The following SCRN3 variants were observed in gnomAD, a reference collection of about 807,000 sequenced individuals.
SCRN3 encodes secernin-3.
SCRN3 carries 39 observed loss-of-function variants against 43.1 expected under a neutral mutation model. The ratio of observed to expected loss-of-function variants is 0.91; its 90% CI spans 0.70 to 1.18. SCRN3 has a LOEUF of 1.18. Ranked by LOEUF, SCRN3 falls within the 50% of genes most tolerant of loss-of-function variation. The pLI, the probability that SCRN3 is intolerant of heterozygous loss-of-function variation, is 0.00. For missense variants in SCRN3, 484 were observed against 498.0 expected, an observed-to-expected ratio of 0.97 and a Z score of 0.27; for synonymous variants, 147 against 163.1, an observed-to-expected ratio of 0.90 and a Z score of 0.75.
rs1293014838 is a variant in SCRN3, at chr2:174,396,056, T to G, written c.-10+239T>G. ...TCGAGCTGCAAAAGCTTTTCTGCACTGTTTTTCTCATCTATGTTATGAAGA... is the reference window on the plus strand; with the variant it reads ...TCGAGCTGCAAAAGCTTTTCTGCACGGTTTTTCTCATCTATGTTATGAAGA... On this transcript the variant is annotated intron_variant, in intron 1 of 7. Coordinates refer to ENST00000272732, the MANE Select transcript of SCRN3 (RefSeq NM_024583.5). 6 of 1,254,304 alleles carry G rather than the reference T, an allele frequency of 4.8e-6. No individual in the cohort carries two copies. In the East Asian group the frequency reaches 1.8e-4, roughly 37 times the overall value. 77.7% of individuals were successfully genotyped at this position (1,254,304 alleles called of 1,614,324 possible).
In SCRN3 at chr2:174,404,241, A is replaced by G. The variant is rs773576066; in HGVS notation, c.680A>G (p.Tyr227Cys). 5.0e-5 allele frequency: 81 copies of G among 1,613,774 alleles called. No homozygotes were observed. The South Asian group carries it at 8.2e-4, about 16-fold the overall frequency. The change falls in exon 5 of 8, where the codon TAT becomes TGT. Residue 227 changes from tyrosine to cysteine, a missense_variant. Tyr to Cys is a radical substitution (Grantham distance 194). Coordinates refer to ENST00000272732, the MANE Select transcript of SCRN3 (RefSeq NM_024583.5). Reference protein sequence around the residue: ...KEFDFAAAYSYLDTAKMMTSS... With the variant: ...KEFDFAAAYSCLDTAKMMTSS... Reference sequence around the variant, plus strand: ...TTTGATTTTGCTGCAGCATATTCCTATCTTGACACAGCCAAGATGATGACT... The same window carrying G: ...TTTGATTTTGCTGCAGCATATTCCTGTCTTGACACAGCCAAGATGATGACT...
At chr2:174,415,254 AT>A (rs35101924) in intron 5 of SCRN3, among the ~76,000 whole-genome samples, 29,658 of 151,948 alleles carry the variant, frequency 0.2, 3,394 homozygotes, top group Middle Eastern at 0.37. Context: ...TCAATAGAGG[AT>A]TTTTTTTCAA....
intron 5 of SCRN3, among the ~76,000 whole-genome samples, chr2:174,412,024 A>G (rs377126151): frequency 6.6e-6 from 1 of 152,022 alleles, no homozygotes; most frequent in Non-Finnish European, 1.5e-5. Context: ...AGTAAACTCT[A>G]CTCTGTCTCT....
At chr2:174,396,081 A>T (rs2105548822) in intron 1 of SCRN3, 2 of 1,163,968 alleles carry the variant, frequency 1.7e-6, no homozygotes, top group East Asian at 3.2e-5. Flanking sequence ...TGTTATGAAG[A>T]TAATAATTCC....
In SCRN3 at chr2:174,399,917, T is replaced by A; in HGVS notation, c.160-5T>A. 1.6e-6 allele frequency: 2 copies of A among 1,279,266 alleles called. No homozygotes were observed. Among genetic ancestry groups the A allele is most frequent in the Non-Finnish European group, 2.0e-6 (2 of 980,820 alleles). 79.2% of individuals were successfully genotyped at this position (1,279,266 alleles called of 1,614,324 possible). A position where few individuals can be genotyped will look rare whatever the true frequency, so the allele number is the denominator to read the frequency against. The stretch of plus-strand genomic sequence containing the variant: ...GCTATGACTTTTTTTTTTTTTTTTT[T>A]ACAGTGTACATATATAGAAATTGAT... On this transcript the variant is annotated splice_polypyrimidine_tract_variant and splice_region_variant and intron_variant, in intron 2 of 7. Transcript: ENST00000272732.
chr2:174,424,570 A>T lies in SCRN3; in HGVS notation c.1013A>T (p.Lys338Ile). The change falls in exon 7 of 8, where the codon AAA (lysine) becomes ATA (isoleucine). Residue 338 changes from lysine (K) to isoleucine (I), a missense_variant. Lys to Ile is a moderately radical substitution (Grantham distance 102). Transcript: ENST00000272732. ...GAACTTGAAGATCTAGTTAAAAAGA[A>T]ATCACATTTTAAGCCTGACAGAAGA... is the stretch of plus-strand genomic sequence containing the variant. ...TFELEDLVKK[K>I]SHFKPDRRHP... is the part of the protein sequence containing the mutation. 2 of 1,613,468 alleles carry T rather than the reference A, an allele frequency of 1.2e-6. No individual in the cohort carries two copies. Among genetic ancestry groups the T allele is most frequent in the East Asian group, 2.2e-5 (1 of 44,788 alleles).
At chr2:174,395,981 C>T in intron 1 of SCRN3, 164 bp downstream of exon 1, 1 of 1,378,158 alleles carries the variant, frequency 7.3e-7, no homozygotes, top group Non-Finnish European at 9.4e-7. Context: ...GGCGGCCCTT[C>T]GACCAAAGGT....
rs758937898 is a variant in SCRN3 at position 174,415,802 on chromosome 2, G to C, written c.755-7083G>C. ...TGGGATTCCAGGTGTGCACTACCAT[G>C]CTAGGCTAATTTTTGTATTTTTTGT... On this transcript the variant is annotated intron_variant, in intron 5 of 7. Transcript: ENST00000272732. 3.3e-5 allele frequency among the ~76,000 whole-genome samples: 5 copies of C among 152,076 alleles called. No individual in the cohort carries two copies. The East Asian group carries it at 7.7e-4, about 23-fold the overall frequency.
chr2:174,427,310 A>T (rs1686520887), intron 7 of SCRN3, among the ~76,000 whole-genome samples: 1 of 152,116 alleles, frequency 6.6e-6, no homozygotes, highest in South Asian at 2.1e-4. Flanking sequence ...CCTGAACATT[A>T]TTGTTCTATT....
rs1685398931 is a variant in SCRN3, at chr2:174,398,431, G to C, written c.148G>C (p.Glu50Gln). The C allele has an allele frequency of 1.3e-6, 2 of 1,597,424 alleles. No homozygotes were observed. The highest frequency in any genetic ancestry group is 1.4e-5 in the African/African-American group (1 of 74,018). Residue 50 changes from glutamate to glutamine, a missense_variant, in exon 2 of 8, where the codon GAA (glutamate) becomes CAA (glutamine). Coordinates refer to ENST00000272732, the MANE Select transcript of SCRN3 (RefSeq NM_024583.5). ...TGCTGTAGTTCATGATAACCTGGGA[G>C]AACGTCTTAAGGTAGGTGAAATAAA... ...FPAVVHDNLG[E>Q]RLKCTYIEID... is the part of the protein sequence containing the mutation.
Position 174,423,016 on chromosome 2 carries a change from C to T in SCRN3, c.886C>T (p.His296Tyr). The T allele has an allele frequency of 6.2e-7, 1 of 1,613,450 alleles. No individual in the cohort carries two copies. The highest frequency in any genetic ancestry group is 8.5e-7 in the Non-Finnish European group (1 of 1,179,578). Residue 296 changes from histidine (H) to tyrosine (Y), a missense_variant, in exon 6 of 8, where the codon CAC becomes TAC. Transcript: ENST00000272732. ...LPQDSSLPCI[H>Y]FFTGTPDPER... ...TCAAGACTCCAGCCTTCCTTGCATT[C>T]ACTTCTTTACAGGGACTCCTGATCC...
intron 5 of SCRN3, among the ~76,000 whole-genome samples, chr2:174,420,695 T>C (rs1458830096): frequency 2.0e-5 from 3 of 152,138 alleles, no homozygotes; most frequent in African/African-American, 7.2e-5. Flanking sequence ...AATAGATTGA[T>C]TTAACAACAG....
chr2:174,399,882 T>C, intron 2 of SCRN3, 40 bp from the exon 3 acceptor site: 1 of 1,324,136 alleles, frequency 7.6e-7, no homozygotes, highest in Non-Finnish European at 9.8e-7. Context: ...TTTCTGGTTT[T>C]GTGGTTCTTG....
rs767184470 is a variant in SCRN3, at chr2:174,398,456, A to G, written c.159+14A>G. 1 of 1,579,968 alleles carries G rather than the reference A, an allele frequency of 6.3e-7. No homozygotes were observed. The highest frequency in any genetic ancestry group is 1.2e-5 in the South Asian group (1 of 83,352). On this transcript the variant is annotated intron_variant, in intron 2 of 7. Transcript: ENST00000272732. ...GAACGTCTTAAGGTAGGTGAAATAA[A>G]TGTTTTGTTAGCAATATGCCTTTTA...
At chr2:174,400,383 CTCAAGCAATCA>C (rs2105561339) in intron 3 of SCRN3, among the ~76,000 whole-genome samples, 1 of 152,156 alleles carries the variant, frequency 6.6e-6, no homozygotes, top group South Asian at 2.1e-4. Context: ...AATTCCTGAG[CTCAAGCAATCA>C]TCCCACCTAA....
chr2:174,422,760 TAGTC>T, intron 5 of SCRN3, 121 bp from the exon 6 acceptor site: 1 of 551,720 alleles, frequency 1.8e-6, no homozygotes, highest in Non-Finnish European at 3.2e-6. Flanking sequence ...AGTTTGTTTA[TAGTC>T]AGTCTCTTAA....
rs1243933186 is a variant in SCRN3, at chr2:174,401,215, C to G, written c.541+26C>G. On this transcript the variant is annotated intron_variant, in intron 4 of 7. Transcript: ENST00000272732. ...GTATGGACAACTTTTTGTGATTTAA[C>G]TTGTTTTTGCAATTAATAAAATACA... is the stretch of plus-strand genomic sequence containing the variant. 3 of 1,577,252 alleles carry G rather than the reference C, an allele frequency of 1.9e-6. No individual in the cohort carries two copies. The Admixed American group carries it at 5.0e-5, about 26-fold the overall frequency.
chr2:174,415,845 A>G (rs576896238), intron 5 of SCRN3, among the ~76,000 whole-genome samples: 280 of 152,156 alleles, frequency 1.8e-3, no homozygotes, highest in Non-Finnish European at 3.1e-3. Context: ...GGGTTTCACC[A>G]TGTTGTTCAG....
intron 1 of SCRN3, chr2:174,396,809 C>CA (rs200042957): frequency 0.19 from 28,380 of 148,442 alleles, 3,222 homozygotes; most frequent in Middle Eastern, 0.36. Flanking sequence ...AAAAAAAAAA[C>CA]AAAAAACGAA....
Sources: gnomAD v4.1 joint callset for allele counts (sites outside exome capture counted in the v4.1 genomes callset) on GRCh38, gnomAD v4.1.1 for gene constraint, MANE v1.5 for transcripts, NCBI Gene and HGNC (gene_info 2026-07-23, HGNC 2026-07-21) for gene names.